MBD5: variants seen among roughly 807,000 people sequenced by gnomAD.
The protein encoded by MBD5 is methyl-CpG binding domain protein 5, also known as methyl-CpG-binding domain protein 5.
A neutral mutation model predicts 117.3 loss-of-function variants in MBD5; 13 were observed. The observed-to-expected ratio is 0.11, with a 90% confidence interval of 0.07 to 0.18. MBD5 has a LOEUF of 0.18. Ranked by LOEUF, MBD5 falls within the 10% of genes least tolerant of loss-of-function variation. MBD5 has a pLI of 1.00. For missense variants in MBD5, 1,879 were observed against 2,093.8 expected, an observed-to-expected ratio of 0.90 and a Z score of 2.00; for synonymous variants, 727 against 766.4, an observed-to-expected ratio of 0.95 and a Z score of 0.85.
intron 1 of MBD5, chr2:148,027,775 C>G (rs1465590865): frequency 2.6e-5 from 4 of 152,040 alleles, no homozygotes; most frequent in Non-Finnish European, 5.9e-5. Flanking sequence ...TACATAATGA[C>G]CTGCAGAGTT....
chr2:148,073,262 A>G (rs1695408518), intron 1 of MBD5, among the ~76,000 whole-genome samples: 1 of 152,132 alleles, frequency 6.6e-6, no homozygotes, highest in South Asian at 2.1e-4. Context: ...TTCTAGATTT[A>G]TCATTTGGGG....
At chr2:148,095,233 C>T (rs1392921400) in intron 1 of MBD5, among the ~76,000 whole-genome samples, 1 of 151,968 alleles carries the variant, frequency 6.6e-6, no homozygotes, top group Admixed American at 6.6e-5. Flanking sequence ...TTTTCAAATT[C>T]CTAAAAGAAC....
At chr2:148,218,771 A>C (rs985926843) in intron 2 of MBD5, among the ~76,000 whole-genome samples, 1 of 152,226 alleles carries the variant, frequency 6.6e-6, no homozygotes, top group African/African-American at 2.4e-5. Flanking sequence ...GTACAATAAA[A>C]GTAAGATATG....
intron 3 of MBD5, among the ~76,000 whole-genome samples, chr2:148,278,143 A>G (rs1238691431): frequency 4.6e-5 from 7 of 152,198 alleles, no homozygotes; most frequent in Non-Finnish European, 8.8e-5. Flanking sequence ...ATTACACCAT[A>G]TGTAGCCTTT....
At chr2:148,064,922 A>G (rs1055015986) in intron 1 of MBD5, among the ~76,000 whole-genome samples, 2 of 152,132 alleles carry the variant, frequency 1.3e-5, no homozygotes, top group African/African-American at 2.4e-5. Flanking sequence ...CTGATAACAT[A>G]CCTGAGAGCT....
chr2:148,262,985 T>C (rs1453879830), intron 3 of MBD5, among the ~76,000 whole-genome samples: 2 of 152,188 alleles, frequency 1.3e-5, no homozygotes, highest in Non-Finnish European at 2.9e-5. Flanking sequence ...ACAATCAACT[T>C]TCTGATACAT....
intron 3 of MBD5, among the ~76,000 whole-genome samples, chr2:148,299,223 G>A (rs1421020575): frequency 6.6e-6 from 1 of 151,986 alleles, no homozygotes; most frequent in Non-Finnish European, 1.5e-5. Context: ...TGCCTCCCAG[G>A]TTCAAGCGAT....
At chr2:148,093,119 C>T (rs895575926) in intron 1 of MBD5, among the ~76,000 whole-genome samples, 3 of 152,114 alleles carry the variant, frequency 2.0e-5, no homozygotes, top group African/African-American at 7.2e-5. Context: ...CCATGTTGGT[C>T]AGGCTGGTCT....
intron 4 of MBD5, among the ~76,000 whole-genome samples, chr2:148,422,937 G>T (rs968705720): frequency 6.6e-6 from 1 of 152,170 alleles, no homozygotes; most frequent in African/African-American, 2.4e-5. Flanking sequence ...TATGTGCAAA[G>T]ACCAAATCTC....
chr2:148,064,189 G>T lies in MBD5; in HGVS notation c.-925+42505G>T, dbSNP rs933447957. Among the ~76,000 whole-genome samples, 7 of 142,722 alleles carry T rather than the reference G, an allele frequency of 4.9e-5. No homozygotes were observed. The South Asian group carries it at 1.6e-3, about 32-fold the overall frequency. 93.6% of individuals were successfully genotyped at this position (142,722 alleles called of 152,430 possible). A position where few individuals can be genotyped will look rare whatever the true frequency, so the allele number is the denominator to read the frequency against. ...CGCCCAGGCTGGAGTGCAGTGGCGCGATCTCAGCTCACTGCAAGCTCCGCC... is the reference window on the plus strand; with the variant it reads ...CGCCCAGGCTGGAGTGCAGTGGCGCTATCTCAGCTCACTGCAAGCTCCGCC... On this transcript the variant is annotated intron_variant, in intron 1 of 13. Coordinates refer to ENST00000642680, the MANE Select transcript of MBD5 (RefSeq NM_001378120.1).
intron 8 of MBD5, chr2:148,472,366 T>C (rs1246893278): frequency 6.6e-6 from 1 of 152,076 alleles, no homozygotes; most frequent in East Asian, 1.9e-4. Flanking sequence ...CCAACTAGTG[T>C]AAACTAACAG....
intron 3 of MBD5, among the ~76,000 whole-genome samples, chr2:148,314,720 A>G (rs1200752780): frequency 6.6e-6 from 1 of 152,098 alleles, no homozygotes; most frequent in Non-Finnish European, 1.5e-5. Context: ...GACGTCTGCC[A>G]CTGTACCCAG....
chr2:148,147,359 C>G (rs1029024497), intron 1 of MBD5, among the ~76,000 whole-genome samples: 5 of 152,004 alleles, frequency 3.3e-5, no homozygotes, highest in Non-Finnish European at 5.9e-5. Flanking sequence ...TCTGTTGCCT[C>G]AGCCCCCGAG....
chr2:148,181,430 C>G (rs1698533177), intron 2 of MBD5, among the ~76,000 whole-genome samples: 1 of 152,162 alleles, frequency 6.6e-6, no homozygotes, highest in African/African-American at 2.4e-5. Flanking sequence ...TTTAACCAAT[C>G]CCTATCAGAT....
intron 1 of MBD5, among the ~76,000 whole-genome samples, chr2:148,176,082 A>G (rs1698377338): frequency 6.6e-6 from 1 of 152,136 alleles, no homozygotes; most frequent in African/African-American, 2.4e-5. Context: ...AAAAAGATAA[A>G]CTGCAATGAT....
chr2:148,187,141 A>C (rs1698680815), intron 2 of MBD5, among the ~76,000 whole-genome samples: 1 of 152,208 alleles, frequency 6.6e-6, no homozygotes, highest in African/African-American at 2.4e-5. Flanking sequence ...GAATAGCTTA[A>C]GTACAGGAGT....
chr2:148,268,327 C>T (rs1700907048), intron 3 of MBD5, among the ~76,000 whole-genome samples: 1 of 152,072 alleles, frequency 6.6e-6, no homozygotes, highest in Admixed American at 6.6e-5. Context: ...CGCAATCCCC[C>T]CACCCAGGCC....
At chr2:148,140,574 A>G (rs1309047021) in intron 1 of MBD5, among the ~76,000 whole-genome samples, 1 of 152,208 alleles carries the variant, frequency 6.6e-6, no homozygotes, top group Non-Finnish European at 1.5e-5. Flanking sequence ...ATAGCTTAAA[A>G]TTCTTTCTAG....
intron 3 of MBD5, among the ~76,000 whole-genome samples, chr2:148,324,820 C>A (rs1702397179): frequency 6.6e-6 from 1 of 152,020 alleles, no homozygotes; most frequent in Non-Finnish European, 1.5e-5. Flanking sequence ...ATTGAATACC[C>A]TTTATTTCCT....
Sources: gnomAD v4.1 joint callset for allele counts (sites outside exome capture counted in the v4.1 genomes callset) on GRCh38, gnomAD v4.1.1 for gene constraint, MANE v1.5 for transcripts, NCBI Gene and HGNC (gene_info 2026-07-23, HGNC 2026-07-21) for gene names.